The following VWC2L variants were observed in gnomAD, a reference collection of about 807,000 sequenced individuals.
VWC2L encodes von Willebrand factor C domain containing 2 like, also known as von Willebrand factor C domain-containing protein 2-like.
In VWC2L, 10 loss-of-function variants were observed where a neutral mutation model predicts 21.6. The observed-to-expected ratio is 0.46, with a 90% confidence interval of 0.29 to 0.78. VWC2L has a LOEUF of 0.78. Ranked by LOEUF, VWC2L falls within the 30% of genes least tolerant of loss-of-function variation. The pLI is 0.10. For missense variants in VWC2L, 209 were observed against 277.1 expected (o/e 0.75, Z 1.74); for synonymous variants, 96 against 94.3 (o/e 1.02, Z -0.10).
intron 3 of VWC2L, among the ~76,000 whole-genome samples, chr2:214,514,019 T>C (rs1689100044): frequency 6.6e-6 from 1 of 152,108 alleles, no homozygotes; most frequent in Non-Finnish European, 1.5e-5. Flanking sequence ...TATCTTTGGC[T>C]TGGGGTTTTA....
At chr2:214,567,675 A>G (rs1224425311) in intron 3 of VWC2L, among the ~76,000 whole-genome samples, 1 of 152,036 alleles carries the variant, frequency 6.6e-6, no homozygotes, top group Non-Finnish European at 1.5e-5. Flanking sequence ...AGGTGCTATC[A>G]AAACTTGGAG....
At chr2:214,567,577 CACACACACACACACACACAG>C (rs1203359664) in intron 3 of VWC2L, among the ~76,000 whole-genome samples, 2 of 73,698 alleles carry the variant, frequency 2.7e-5, no homozygotes, top group Non-Finnish European at 3.8e-5. Flanking sequence ...CACACACACA[CACACACACACACACACACAG>C]AGAGAGAGAG....
intron 2 of VWC2L, among the ~76,000 whole-genome samples, chr2:214,421,468 T>C (rs1702438908): frequency 6.6e-6 from 1 of 152,188 alleles, no homozygotes; most frequent in Admixed American, 6.5e-5. Context: ...TTTATTGCTG[T>C]CCTTCATATT....
chr2:214,546,045 T>C (rs1049169847), intron 3 of VWC2L, among the ~76,000 whole-genome samples: 38 of 152,154 alleles, frequency 2.5e-4, no homozygotes, highest in African/African-American at 8.0e-4. Context: ...GGATTTGATT[T>C]GGTATCACAT....
intron 3 of VWC2L, among the ~76,000 whole-genome samples, chr2:214,446,794 ACTTTAATG>A (rs1199190814): frequency 1.3e-5 from 2 of 152,272 alleles, no homozygotes; most frequent in East Asian, 3.9e-4. Flanking sequence ...GGTATGCAAT[ACTTTAATG>A]TTCAGTACCC....
chr2:214,491,394 A>G (rs760893711), intron 3 of VWC2L, among the ~76,000 whole-genome samples: 5 of 152,208 alleles, frequency 3.3e-5, no homozygotes, highest in Admixed American at 6.5e-5. Context: ...GCAATGGGTT[A>G]AATTTGGATG....
In VWC2L at chr2:214,468,284, A is replaced by T. The variant is rs549592654; in HGVS notation, c.520+31526A>T. Among the ~76,000 whole-genome samples the T allele has an allele frequency of 2.6e-4, 40 of 152,294 alleles. No homozygotes were observed. The East Asian group carries it at 7.7e-3, about 30-fold the overall frequency. Reference sequence around the variant, plus strand: ...TGCCCGCCTTGGCCTCAGTTCTGGGATTACAGGCGTGAGCCATTGCACCTG... The same window carrying T: ...TGCCCGCCTTGGCCTCAGTTCTGGGTTTACAGGCGTGAGCCATTGCACCTG... On this transcript the variant is annotated intron_variant, in intron 3 of 3. Coordinates refer to ENST00000312504, the MANE Select transcript of VWC2L (RefSeq NM_001080500.4).
intron 3 of VWC2L, among the ~76,000 whole-genome samples, chr2:214,520,575 C>T (rs952232362): frequency 6.6e-6 from 1 of 152,086 alleles, no homozygotes; most frequent in African/African-American, 2.4e-5. Flanking sequence ...TGCTCTTGAA[C>T]AATATTTCCC....
chr2:214,533,835 T>C (rs1373279162), intron 3 of VWC2L, among the ~76,000 whole-genome samples: 1 of 152,180 alleles, frequency 6.6e-6, no homozygotes, highest in Non-Finnish European at 1.5e-5. Context: ...TGGAGTTATC[T>C]AAGGATAACA....
chr2:214,574,892 T>C (rs183174658), intron 3 of VWC2L, among the ~76,000 whole-genome samples: 1 of 151,512 alleles, frequency 6.6e-6, no homozygotes, highest in Non-Finnish European at 1.5e-5. Flanking sequence ...ACAGAAAAAA[T>C]TTTTAAAAAC....
chr2:214,422,265 A>G (rs1215323710), intron 2 of VWC2L, among the ~76,000 whole-genome samples: 1 of 151,700 alleles, frequency 6.6e-6, no homozygotes, highest in Non-Finnish European at 1.5e-5. Flanking sequence ...AACCTATATA[A>G]TCTAGATTTT....
At chr2:214,517,026 A>T (rs941568693) in intron 3 of VWC2L, among the ~76,000 whole-genome samples, 2 of 152,186 alleles carry the variant, frequency 1.3e-5, no homozygotes, top group African/African-American at 4.8e-5. Flanking sequence ...TCTCCCCTGC[A>T]TCATCAATGT....
At chr2:214,523,608 G>A (rs13410340) in intron 3 of VWC2L, among the ~76,000 whole-genome samples, 31,517 of 152,176 alleles carry the variant, frequency 0.21, 3,822 homozygotes, top group Admixed American at 0.26. Context: ...GGTGACCAAG[G>A]CAGGTAGATC....
At chr2:214,545,299 T>A (rs1689688765) in intron 3 of VWC2L, among the ~76,000 whole-genome samples, 1 of 152,202 alleles carries the variant, frequency 6.6e-6, no homozygotes, top group East Asian at 1.9e-4. Flanking sequence ...TAAAAGCCAC[T>A]GTTATTCATT....
At chr2:214,530,464 C>T (rs1305324825) in intron 3 of VWC2L, among the ~76,000 whole-genome samples, 1 of 152,148 alleles carries the variant, frequency 6.6e-6, no homozygotes, top group African/African-American at 2.4e-5. Flanking sequence ...TTTGCCTGTG[C>T]TCTCATCCCA....
At chr2:214,522,910 G>T (rs1689267241) in intron 3 of VWC2L, among the ~76,000 whole-genome samples, 1 of 152,158 alleles carries the variant, frequency 6.6e-6, no homozygotes, top group Non-Finnish European at 1.5e-5. Context: ...ATATTTGTAT[G>T]AGAGGAAAAT....
chr2:214,535,983 C>A (rs1158534186), intron 3 of VWC2L, among the ~76,000 whole-genome samples: 1 of 152,020 alleles, frequency 6.6e-6, no homozygotes, highest in Non-Finnish European at 1.5e-5. Context: ...GCTGTTACAC[C>A]CATTTAAATT....
At chr2:214,517,421 C>T (rs1011354572) in intron 3 of VWC2L, among the ~76,000 whole-genome samples, 13 of 152,200 alleles carry the variant, frequency 8.5e-5, no homozygotes, top group South Asian at 2.1e-4. Flanking sequence ...TTTGGCTGCA[C>T]GTCTCAATCA....
rs796632545 is a variant in VWC2L, at chr2:214,463,072, GA to G, written c.520+26318del. 2.0e-5 allele frequency among the ~76,000 whole-genome samples: 3 copies of G among 152,140 alleles called. 1 individual carries two copies. Among genetic ancestry groups the G allele is most frequent in the African/African-American group, 7.2e-5 (3 of 41,504 alleles). On this transcript the variant is annotated intron_variant, in intron 3 of 3. Coordinates refer to ENST00000312504, the MANE Select transcript of VWC2L (RefSeq NM_001080500.4). ...TATCTTGGTGAACGTTTCACATCCT[GA>G]AAAGAACATGTATTCTGCCATTCTC...
Sources: gnomAD v4.1 joint callset for allele counts (sites outside exome capture counted in the v4.1 genomes callset) on GRCh38, gnomAD v4.1.1 for gene constraint, MANE v1.5 for transcripts, NCBI Gene and HGNC (gene_info 2026-07-23, HGNC 2026-07-21) for gene names.